The following SLC45A4 variants were observed in gnomAD, a reference collection of about 807,000 sequenced individuals.
The protein encoded by SLC45A4 is solute carrier family 45 member 4.
In SLC45A4, 32 loss-of-function variants were observed where a neutral mutation model predicts 63.7. That is an observed-to-expected ratio of 0.50 (90% confidence interval 0.38 to 0.67). The LOEUF (loss-of-function observed/expected upper bound fraction) is 0.67. Among genes scored for constraint, SLC45A4 ranks in the 30% least tolerant of loss-of-function variants. The probability of loss-of-function intolerance (pLI) is 0.00; values close to 1 mark genes in which losing one functional copy is unlikely to be tolerated. For missense variants in SLC45A4, 1,027 were observed against 1,157.7 expected (o/e 0.89, Z 1.64); for synonymous variants, 535 against 510.0 (o/e 1.05, Z -0.66).
chr8:141,224,398 T>G (rs1232833205), intron 2 of SLC45A4: 2 of 152,268 alleles, frequency 1.3e-5, no homozygotes, highest in African/African-American at 4.8e-5. Context: ...TCACCAAGTT[T>G]AGAAAACATC....
Position 141,227,811 on chromosome 8 carries a change from C to T in SLC45A4, c.242-6046G>A, listed in dbSNP as rs371801975. On this transcript the variant is annotated intron_variant, in intron 2 of 8. Transcript: ENST00000517878. This position sits in a 1 kb window ranked among gnomAD's most constrained non-coding sequence, Gnocchi z 4.4. ...TTCCTGAGCCTACTACAAACCGGCC[C>T]GTCATTTAGGGTGGAGGGGACAGCA... is the stretch of plus-strand genomic sequence containing the variant. 1.3e-5 allele frequency among the ~76,000 whole-genome samples: 2 copies of T among 152,192 alleles called. No individual in the cohort carries two copies. The highest frequency in any genetic ancestry group is 2.9e-5 in the Non-Finnish European group (2 of 68,028).
At chr8:141,296,561 C>T (rs951865604) in intron 1 of SLC45A4, among the ~76,000 whole-genome samples, 3 of 144,016 alleles carry the variant, frequency 2.1e-5, no homozygotes, top group Admixed American at 1.4e-4. Context: ...GAAGGCCAGG[C>T]GTGGTGGCTC....
rs1434419504 is a variant in SLC45A4 at position 141,256,178 on chromosome 8, G to A, written c.-400-1549C>T. Among the ~76,000 whole-genome samples, 1 of 152,194 alleles carries A rather than the reference G, an allele frequency of 6.6e-6. No individual in the cohort carries two copies. Among genetic ancestry groups the A allele is most frequent in the African/African-American group, 2.4e-5 (1 of 41,450 alleles). ...AGGAAATGAGGTCAATCTCTCCTCA[G>A]GTAAGATAAGATCGGGGATGTGGAA... On this transcript the variant is annotated intron_variant, in intron 1 of 8. Transcript: ENST00000517878. The surrounding 1 kb of genome is among the most constrained non-coding windows in gnomAD (Gnocchi z 4.3).
chr8:141,214,867 A>C (rs1052896107), intron 7 of SLC45A4, among the ~76,000 whole-genome samples: 1 of 152,052 alleles, frequency 6.6e-6, no homozygotes, highest in African/African-American at 2.4e-5. Flanking sequence ...TAGGGAAAAA[A>C]ATAAAAGTCT....
At chr8:141,217,862 GC>G in intron 5 of SLC45A4, 148 bp downstream of exon 5, 1 of 1,001,042 alleles carries the variant, frequency 1.0e-6, no homozygotes. Context: ...GCTGCCTGCC[GC>G]GGGTCCCTCA....
At chr8:141,259,548 G>A (rs1423513567) in intron 1 of SLC45A4, among the ~76,000 whole-genome samples, 1 of 151,790 alleles carries the variant, frequency 6.6e-6, no homozygotes, top group African/African-American at 2.4e-5. Flanking sequence ...ATCTCCTCCC[G>A]TGCATCTCCT....
At position 141,254,599 on chromosome 8, in the gene SLC45A4, G is replaced by T. The variant is rs1015733269; in HGVS notation, c.-370C>A. 20 of 701,618 alleles carry T rather than the reference G, an allele frequency of 2.9e-5. No homozygotes were observed. Among genetic ancestry groups the T allele is most frequent in the Admixed American group, 2.0e-5 (1 of 49,972 alleles). 43.5% of individuals were successfully genotyped at this position (701,618 alleles called of 1,614,324 possible). ...GGAAGGTGATACAAACAGGTGGTCC[G>T]CTGGTAATCCCCATCGAGTGACTGG... On this transcript the variant is annotated 5_prime_UTR_variant, in exon 2 of 9. Transcript: ENST00000517878. The surrounding 1 kb of genome is among the most constrained non-coding windows in gnomAD (Gnocchi z 4.5).
At chr8:141,271,553 G>C (rs1461924014) in intron 1 of SLC45A4, among the ~76,000 whole-genome samples, 1 of 152,128 alleles carries the variant, frequency 6.6e-6, no homozygotes, top group African/African-American at 2.4e-5. Flanking sequence ...GGATCAAATG[G>C]GAGCAGGCAG....
chr8:141,266,404 C>T (rs761411187), intron 1 of SLC45A4, among the ~76,000 whole-genome samples: 3 of 152,178 alleles, frequency 2.0e-5, no homozygotes, highest in Non-Finnish European at 4.4e-5. Flanking sequence ...GTCAGACAAA[C>T]CCACCACCAC....
intron 2 of SLC45A4, among the ~76,000 whole-genome samples, chr8:141,242,387 G>A (rs569805877): frequency 5.3e-5 from 8 of 152,320 alleles, no homozygotes; most frequent in East Asian, 1.9e-4. Flanking sequence ...CTTCCACAGC[G>A]GGAATGAACG....
At chr8:141,297,977 C>A (rs1189696749) in intron 1 of SLC45A4, among the ~76,000 whole-genome samples, 1 of 152,118 alleles carries the variant, frequency 6.6e-6, no homozygotes, top group African/African-American at 2.4e-5. Context: ...ACTGTTCACC[C>A]AGCTTCTCAC....
At chr8:141,260,776 A>G (rs1160321839) in intron 1 of SLC45A4, among the ~76,000 whole-genome samples, 1 of 152,198 alleles carries the variant, frequency 6.6e-6, no homozygotes, top group Non-Finnish European at 1.5e-5. Context: ...ATGGATTCAC[A>G]ACCGAATTCT....
intron 2 of SLC45A4, among the ~76,000 whole-genome samples, chr8:141,250,910 A>C (rs1198783212): frequency 1.3e-5 from 2 of 152,260 alleles, no homozygotes; most frequent in East Asian, 3.8e-4. Context: ...ACGTGCATAG[A>C]AATTGAGACT....
chr8:141,251,593 C>T (rs372482610), intron 2 of SLC45A4, among the ~76,000 whole-genome samples: 83 of 152,086 alleles, frequency 5.5e-4, no homozygotes, highest in African/African-American at 2.0e-3. Flanking sequence ...GAGCTGCGCC[C>T]GGTCTCCTAC....
intron 1 of SLC45A4, among the ~76,000 whole-genome samples, chr8:141,294,095 G>C (rs1830451865): frequency 6.6e-6 from 1 of 152,194 alleles, no homozygotes; most frequent in South Asian, 2.1e-4. Context: ...CCACGCTGCA[G>C]ACCAGGAGGA....
intron 1 of SLC45A4, among the ~76,000 whole-genome samples, chr8:141,300,212 G>C (rs1830696959): frequency 6.6e-6 from 1 of 152,192 alleles, no homozygotes; most frequent in African/African-American, 2.4e-5. Flanking sequence ...AGTTGGGCGA[G>C]TAGCCTGCTT....
intron 2 of SLC45A4, chr8:141,228,455 G>A (rs1827161400): frequency 7.2e-7 from 1 of 1,381,090 alleles, no homozygotes; most frequent in Non-Finnish European, 9.4e-7. Flanking sequence ...CTGTCTCAGG[G>A]CCGACCCTGT....
intron 7 of SLC45A4, among the ~76,000 whole-genome samples, chr8:141,214,427 G>A (rs1164297201): frequency 6.6e-6 from 1 of 152,192 alleles, no homozygotes; most frequent in African/African-American, 2.4e-5. Context: ...CAGATGTGCT[G>A]AGGATTAATA....
chr8:141,266,453 C>A (rs1829271665), intron 1 of SLC45A4, among the ~76,000 whole-genome samples: 1 of 152,194 alleles, frequency 6.6e-6, no homozygotes, highest in Admixed American at 6.5e-5. Flanking sequence ...TTTACCAATG[C>A]AGTTCCCCCA....
Sources: gnomAD v4.1 joint callset for allele counts (sites outside exome capture counted in the v4.1 genomes callset) on GRCh38, gnomAD v4.1.1 for gene constraint, Gnocchi (gnomAD v3.1) non-coding constraint, MANE v1.5 for transcripts, NCBI Gene and HGNC (gene_info 2026-07-23, HGNC 2026-07-21) for gene names.